EDA: variants seen among roughly 807,000 people sequenced by gnomAD.
The protein encoded by EDA is ectodysplasin A.
A neutral mutation model predicts 23.6 loss-of-function variants in EDA; 2 were observed. The observed-to-expected ratio is 0.08, with a 90% CI of 0.03 to 0.27. The LOEUF (loss-of-function observed/expected upper bound fraction) is 0.27. EDA is among the 10% of genes least tolerant of loss of function. The pLI is 1.00. For missense variants in EDA, 229 were observed against 324.2 expected (o/e 0.71, Z 2.26); for synonymous variants, 131 against 132.0 (o/e 0.99, Z 0.05).
chrX:70,012,678 G>T (rs1164585086), intron 2 of EDA, among the ~76,000 whole-genome samples: 1 of 112,697 alleles, frequency 8.9e-6, no homozygotes, highest in African/African-American at 3.2e-5. Context: ...GGAGCTCTCT[G>T]AGAGCCCTTC....
At chrX:70,007,090 A>G (rs2019812527) in intron 2 of EDA, among the ~76,000 whole-genome samples, 1 of 111,892 alleles carries the variant, frequency 8.9e-6, no homozygotes, top group African/African-American at 3.2e-5. Flanking sequence ...TTTCTGTTCC[A>G]TTAATTTGTG....
chrX:69,620,462 C>G (rs958149497), intron 1 of EDA: 9 of 126,273 alleles, frequency 7.1e-5, no homozygotes, highest in Non-Finnish European at 1.4e-4. Context: ...TGTTAAGGCT[C>G]TTCGATCAAG....
At chrX:69,638,125 A>T (rs1889281891) in intron 1 of EDA, among the ~76,000 whole-genome samples, 1 of 112,056 alleles carries the variant, frequency 8.9e-6, no homozygotes, top group Admixed American at 9.5e-5. Flanking sequence ...CCTTGCAAAG[A>T]TCAATACAAA....
At chrX:69,926,855 A>G (rs1327653485) in intron 1 of EDA, among the ~76,000 whole-genome samples, 5 of 111,991 alleles carry the variant, frequency 4.5e-5, no homozygotes, top group Non-Finnish European at 7.5e-5. Context: ...TTGGGTGCAT[A>G]TATATTTAGA....
intron 1 of EDA, among the ~76,000 whole-genome samples, chrX:69,711,673 C>T (rs2012047724): frequency 9.0e-6 from 1 of 111,364 alleles, no homozygotes; most frequent in African/African-American, 3.3e-5. Context: ...ATTTCAGATC[C>T]TGTTATTGGT....
Position 70,035,922 on chromosome X carries a change from T to C in EDA, c.*313T>C, listed in dbSNP as rs1038989399. The C allele has an allele frequency of 7.0e-5, 23 of 329,058 alleles. No individual in the cohort carries two copies. The highest frequency in any genetic ancestry group is 5.8e-4 in the African/African-American group (22 of 37,719). 27.1% of individuals were successfully genotyped at this position (329,058 alleles called of 1,213,427 possible). A position where few individuals can be genotyped will look rare whatever the true frequency, so the allele number is the denominator to read the frequency against. On this transcript the variant is annotated 3_prime_UTR_variant, in exon 8 of 8. Transcript: ENST00000374552. ...TCCCTGTTGTCAGATCTATTGTTTG[T>C]TGCACTAAAATGAGGATCCAGGGCA...
intron 1 of EDA, among the ~76,000 whole-genome samples, chrX:69,670,826 C>A (rs1933867983): frequency 9.0e-6 from 1 of 111,530 alleles, no homozygotes; most frequent in Admixed American, 9.5e-5. Context: ...TCTCCAATTT[C>A]ATTGAATTGT....
intron 1 of EDA, among the ~76,000 whole-genome samples, chrX:69,905,775 C>T (rs977267118): frequency 3.6e-5 from 4 of 111,301 alleles, no homozygotes; most frequent in East Asian, 2.8e-4. Flanking sequence ...CTAGCCCCTC[C>T]GAACCTAAGG....
At chrX:69,727,302 C>T (rs1396903257) in intron 1 of EDA, among the ~76,000 whole-genome samples, 2 of 111,979 alleles carry the variant, frequency 1.8e-5, no homozygotes, top group South Asian at 3.7e-4. Flanking sequence ...GAGGGCCAAA[C>T]GGCAACATTT....
chrX:69,987,490 T>C (rs1459225495), intron 2 of EDA, among the ~76,000 whole-genome samples: 1 of 108,665 alleles, frequency 9.2e-6, no homozygotes, highest in African/African-American at 3.4e-5. Flanking sequence ...GAAGAACAAG[T>C]GGTCAGCTCC....
chrX:69,758,430 A>G (rs1489039144), intron 1 of EDA, among the ~76,000 whole-genome samples: 1 of 112,372 alleles, frequency 8.9e-6, no homozygotes, highest in East Asian at 2.8e-4. Context: ...TTTATAGATT[A>G]TCTTAGTGTG....
chrX:69,857,550 T>C (rs1249736347), intron 1 of EDA, among the ~76,000 whole-genome samples: 1 of 110,470 alleles, frequency 9.1e-6, no homozygotes, highest in Non-Finnish European at 1.9e-5. Flanking sequence ...TGGTTCTATA[T>C]GAATTTTAGG....
At chrX:69,960,174 T>G (rs1427527293) in intron 2 of EDA, among the ~76,000 whole-genome samples, 1 of 111,143 alleles carries the variant, frequency 9.0e-6, no homozygotes, top group Non-Finnish European at 1.9e-5. Flanking sequence ...GGAAGAATCT[T>G]TAGGAGAGTA....
chrX:69,683,718 A>G (rs915084206), intron 1 of EDA, among the ~76,000 whole-genome samples: 8 of 111,792 alleles, frequency 7.2e-5, no homozygotes, highest in East Asian at 5.6e-4. Context: ...TAGATGCTCA[A>G]TAGACATTTG....
rs1442935412 is a variant in EDA, at chrX:69,783,977, T to C, written c.396+167273T>C. Among the ~76,000 whole-genome samples the C allele has an allele frequency of 4.1e-4, 44 of 107,632 alleles. 1 individual carries two copies. Among genetic ancestry groups the C allele is most frequent in the South Asian group, 8.3e-4 (2 of 2,406 alleles). The allele number at this position is 107,632 out of a possible 115,157, so 93.5% of individuals were successfully genotyped here. ...TGTTGTTTCCTGACTTTTTAATGAT[T>C]GCCATTCTAACTGGTGTGAGATGGT... is the stretch of plus-strand genomic sequence containing the variant. On this transcript the variant is annotated intron_variant, in intron 1 of 7. Transcript: ENST00000374552.
intron 1 of EDA, among the ~76,000 whole-genome samples, chrX:69,715,336 G>A (rs2012283514): frequency 1.8e-5 from 2 of 110,911 alleles, no homozygotes; most frequent in Non-Finnish European, 3.8e-5. Flanking sequence ...GTGAGAATAT[G>A]CAGTATTTGG....
At chrX:69,855,301 A>C (rs1385539924) in intron 1 of EDA, among the ~76,000 whole-genome samples, 1 of 111,560 alleles carries the variant, frequency 9.0e-6, no homozygotes, top group Non-Finnish European at 1.9e-5. Context: ...AGAAGCTCTT[A>C]AGTTTAATTA....
intron 1 of EDA, among the ~76,000 whole-genome samples, chrX:69,640,638 C>G (rs1794432279): frequency 9.0e-6 from 1 of 110,770 alleles, no homozygotes; most frequent in Admixed American, 9.7e-5. Flanking sequence ...GAGACAAAGG[C>G]TGGGTGAACA....
chrX:69,630,232 G>T (rs767891734), intron 1 of EDA, among the ~76,000 whole-genome samples: 5 of 111,510 alleles, frequency 4.5e-5, no homozygotes, highest in Admixed American at 9.5e-5. Context: ...TTGTGTTTGC[G>T]TATAAGTATT....
Sources: allele counts gnomAD v4.1 joint callset (sites outside exome capture counted in the v4.1 genomes callset), GRCh38; gene constraint gnomAD v4.1.1; transcripts MANE v1.5; gene names NCBI Gene and HGNC (gene_info 2026-07-23, HGNC 2026-07-21).